Variants in C17orf99 observed in about 807,000 individuals in gnomAD.
C17orf99 encodes chromosome 17 open reading frame 99.
In C17orf99, 18 loss-of-function variants were observed where a neutral mutation model predicts 22.6. That is an observed-to-expected ratio of 0.80 (90% CI 0.55 to 1.18). The LOEUF (loss-of-function observed/expected upper bound fraction) is 1.18, where lower values mean the gene tolerates loss of function less well. C17orf99 is among the 50% of genes most tolerant of loss of function. The probability of loss-of-function intolerance (pLI) is 0.00; values close to 1 mark genes in which losing one functional copy is unlikely to be tolerated. For synonymous variants in C17orf99, 147 were observed against 136.6 expected (o/e 1.08, Z -0.53); for missense variants, 328 against 342.7 (o/e 0.96, Z 0.34).
intron 2 of C17orf99, chr17:78,157,955 G>T: frequency 1.7e-6 from 2 of 1,185,338 alleles, no homozygotes; most frequent in Non-Finnish European, 2.5e-6. Flanking sequence ...GAAATATGGA[G>T]ATATCTGCCT....
chr17:78,165,462 C>A (rs2075610533), intron 4 of C17orf99: 8 of 985,768 alleles, frequency 8.1e-6, no homozygotes, highest in Middle Eastern at 1.0e-3. Flanking sequence ...GGTGAGTAAG[C>A]CTCATGTCTC....
At chr17:78,157,400 C>A (rs139004271) in intron 2 of C17orf99, 5 of 1,250,172 alleles carry the variant, frequency 4.0e-6, no homozygotes, top group Non-Finnish European at 5.5e-6. Flanking sequence ...TGAGTTCGTG[C>A]GAGTTGGAAT....
intron 4 of C17orf99, 164 bp downstream of exon 4, chr17:78,164,528 A>T: frequency 6.5e-7 from 1 of 1,536,088 alleles, no homozygotes; most frequent in African/African-American, 1.4e-5. Flanking sequence ...GCCCCTGCCT[A>T]AAGGAAGCCC....
chr17:78,152,141 C>T (rs1049569983), intron 2 of C17orf99, among the ~76,000 whole-genome samples: 2 of 151,532 alleles, frequency 1.3e-5, no homozygotes, highest in Non-Finnish European at 2.9e-5. Context: ...TATTTAAATG[C>T]TCTTGCAGAG....
At chr17:78,157,724 G>A (rs1425660379) in intron 2 of C17orf99, 1 of 477,394 alleles carries the variant, frequency 2.1e-6, no homozygotes, top group Non-Finnish European at 3.6e-6. Flanking sequence ...GTAAACCCGG[G>A]AGGCAGAGCT....
At chr17:78,150,866 G>A (rs770943814) in intron 2 of C17orf99, among the ~76,000 whole-genome samples, 8 of 152,332 alleles carry the variant, frequency 5.3e-5, no homozygotes, top group Non-Finnish European at 1.0e-4. Context: ...GCTCACGTCT[G>A]TAATCGAGCA....
intron 3 of C17orf99, among the ~76,000 whole-genome samples, chr17:78,161,920 G>C (rs954579155): frequency 2.0e-5 from 3 of 151,986 alleles, no homozygotes; most frequent in African/African-American, 7.3e-5. Context: ...AGCAGTGTCA[G>C]GGGTGGGGTC....
intron 3 of C17orf99, among the ~76,000 whole-genome samples, chr17:78,162,078 C>A (rs2075582234): frequency 2.0e-5 from 3 of 151,862 alleles, no homozygotes; most frequent in Admixed American, 1.3e-4. Flanking sequence ...GAGTTTGAGA[C>A]CAGTCTGGCC....
At chr17:78,160,829 C>T in intron 2 of C17orf99, 126 bp from the exon 3 acceptor site, 1 of 714,484 alleles carries the variant, frequency 1.4e-6, no homozygotes, top group Non-Finnish European at 2.3e-6. Context: ...GTGATCCGTC[C>T]ACCTGGACCT....
At chr17:78,159,982 G>C in intron 2 of C17orf99, 1 of 443,360 alleles carries the variant, frequency 2.3e-6, no homozygotes, top group Non-Finnish European at 4.5e-6. Context: ...TAGATATTTG[G>C]GCCGTTTCCA....
chr17:78,157,986 TC>T, intron 2 of C17orf99: 2 of 1,297,956 alleles, frequency 1.5e-6, no homozygotes, highest in Non-Finnish European at 1.1e-6. Context: ...AACATGGATG[TC>T]CCCAGCATCA....
At chr17:78,147,253 C>A (rs73999650) in intron 2 of C17orf99, among the ~76,000 whole-genome samples, 5 of 152,168 alleles carry the variant, frequency 3.3e-5, no homozygotes, top group African/African-American at 7.2e-5. Flanking sequence ...AGAAGCCCCC[C>A]CTGAGACCCT....
chr17:78,153,417 G>A (rs376045142), intron 2 of C17orf99, among the ~76,000 whole-genome samples: 2 of 151,972 alleles, frequency 1.3e-5, no homozygotes, highest in African/African-American at 4.8e-5. Flanking sequence ...CCCAGGAGGC[G>A]GAGGTTGCAG....
intron 4 of C17orf99, chr17:78,165,251 C>T: frequency 1.0e-6 from 1 of 988,188 alleles, no homozygotes. Flanking sequence ...GTTTGGGAGA[C>T]ACTGCCGTGT....
At position 78,166,172 on chromosome 17, in the gene C17orf99, A is replaced by G. The variant is rs1024366601; in HGVS notation, c.*126A>G. 1 of 402,918 alleles carries G rather than the reference A, an allele frequency of 2.5e-6. No individual in the cohort carries two copies. The highest frequency in any genetic ancestry group is 4.4e-6 in the Non-Finnish European group (1 of 228,234). 25.0% of individuals were successfully genotyped at this position (402,918 alleles called of 1,614,324 possible). Reference sequence around the variant, plus strand: ...TCTTGCCACAAAAAAAAAAAAAAAAAAAAAAGGGTAACTATGAGAGATGGT... The same window carrying G: ...TCTTGCCACAAAAAAAAAAAAAAAAGAAAAAGGGTAACTATGAGAGATGGT... On this transcript the variant is annotated 3_prime_UTR_variant, in exon 5 of 5. Transcript: ENST00000340363.
rs2075439814 is a variant in C17orf99 at position 78,146,691 on chromosome 17, G to A, written c.38-188G>A. Among the ~76,000 whole-genome samples, 1 of 151,826 alleles carries A rather than the reference G, an allele frequency of 6.6e-6. No homozygotes were observed. The highest frequency in any genetic ancestry group is 1.5e-5 in the Non-Finnish European group (1 of 67,892). On this transcript the variant is annotated intron_variant, in intron 1 of 4. Coordinates refer to ENST00000340363, the MANE Select transcript of C17orf99 (RefSeq NM_001163075.2). The surrounding 1 kb of genome is among the most constrained non-coding windows in gnomAD (Gnocchi z 5.2). ...ACCCATCTGCGAAATGGGCGGATGA[G>A]AGGCGATGTTGTGGGGGGAGGGGCG...
At position 78,146,734 on chromosome 17, in the gene C17orf99, G is replaced by C; in HGVS notation, c.38-145G>C. ...GAGGGGCGCAAAAGAGCTTTTGTGA[G>C]TGATGGTGCCAGCTGAGTCCTGGGG... On this transcript the variant is annotated intron_variant, in intron 1 of 4. Coordinates refer to ENST00000340363, the MANE Select transcript of C17orf99 (RefSeq NM_001163075.2). The surrounding 1 kb of genome is among the most constrained non-coding windows in gnomAD (Gnocchi z 5.2). 3.8e-6 allele frequency: 3 copies of C among 785,324 alleles called. No homozygotes were observed. Among genetic ancestry groups the C allele is most frequent in the Non-Finnish European group, 6.3e-6 (3 of 474,746 alleles). The allele number at this position is 785,324 out of a possible 1,614,324, so 48.6% of individuals were successfully genotyped here.
chr17:78,163,973 C>G (rs2075597569), intron 3 of C17orf99, 122 bp from the exon 4 acceptor site: 2 of 842,892 alleles, frequency 2.4e-6, no homozygotes, highest in African/African-American at 1.7e-5. Flanking sequence ...TAGAAGGCGG[C>G]CTGGAGGAGG....
chr17:78,153,695 C>T (rs1598944180), intron 2 of C17orf99, among the ~76,000 whole-genome samples: 1 of 152,210 alleles, frequency 6.6e-6, no homozygotes, highest in East Asian at 1.9e-4. Context: ...GCCCTGGACG[C>T]CCACTTCCCC....
Sources: allele counts gnomAD v4.1 joint callset (sites outside exome capture counted in the v4.1 genomes callset), GRCh38; gene constraint gnomAD v4.1.1; non-coding constraint Gnocchi (gnomAD v3.1); transcripts MANE v1.5; gene names NCBI Gene and HGNC (gene_info 2026-07-23, HGNC 2026-07-21).